The following PCBP3 variants were observed in gnomAD, a reference collection of about 807,000 sequenced individuals.
PCBP3 encodes the protein poly(rC)-binding protein 3.
PCBP3 carries 25 observed loss-of-function variants against 52.7 expected under a neutral mutation model. That is an observed-to-expected ratio of 0.47 (90% confidence interval 0.35 to 0.66). PCBP3 has a LOEUF of 0.66. PCBP3 is among the 30% of genes least tolerant of loss of function. The probability of loss-of-function intolerance (pLI) is 0.01; values close to 1 mark genes in which losing one functional copy is unlikely to be tolerated. For synonymous variants in PCBP3, 162 were observed against 183.0 expected (o/e 0.89, Z 0.93); for missense variants, 391 against 490.3 (o/e 0.80, Z 1.91).
At position 45,802,054 on chromosome 21, in the gene PCBP3, G is replaced by A. The variant is rs543425027; in HGVS notation, c.-126+46602G>A. 2.9e-4 allele frequency among the ~76,000 whole-genome samples: 44 copies of A among 152,308 alleles called. No individual in the cohort carries two copies. Among genetic ancestry groups the A allele is most frequent in the African/African-American group, 1.0e-3 (43 of 41,568 alleles). ...TCCCCTCCTCTTCCTTGAGGGCATC[G>A]TCATGATTCAGCAGTGACTTCTGGG... is the stretch of plus-strand genomic sequence containing the variant. On this transcript the variant is annotated intron_variant, in intron 4 of 17. Coordinates refer to ENST00000681687, the MANE Select transcript of PCBP3 (RefSeq NM_001384156.1). This position sits in a 1 kb window ranked among gnomAD's most constrained non-coding sequence, Gnocchi z 5.1.
At chr21:45,795,453 A>G (rs1411859757) in intron 4 of PCBP3, among the ~76,000 whole-genome samples, 10 of 152,182 alleles carry the variant, frequency 6.6e-5, no homozygotes, top group Non-Finnish European at 1.5e-4. Flanking sequence ...AAGTGCAGTA[A>G]AAGTGGAAAA....
chr21:45,765,991 A>T (rs573970351), intron 4 of PCBP3, among the ~76,000 whole-genome samples: 2 of 152,304 alleles, frequency 1.3e-5, no homozygotes, highest in South Asian at 4.2e-4. Flanking sequence ...GTGATGTTGG[A>T]TGTGGGCTAC....
At chr21:45,723,990 T>G (rs183258302) in intron 2 of PCBP3, among the ~76,000 whole-genome samples, 337 of 152,304 alleles carry the variant, frequency 2.2e-3, no homozygotes, top group South Asian at 9.1e-3. Context: ...ATAAGCTGTT[T>G]TAAATTCTAG....
chr21:45,712,845 C>T (rs555035708), intron 2 of PCBP3, among the ~76,000 whole-genome samples: 3 of 152,112 alleles, frequency 2.0e-5, no homozygotes, highest in Non-Finnish European at 4.4e-5. Context: ...TTGGGACCAC[C>T]TGTACACACC....
At chr21:45,712,295 A>G (rs919626423) in intron 2 of PCBP3, among the ~76,000 whole-genome samples, 3 of 152,318 alleles carry the variant, frequency 2.0e-5, no homozygotes, top group Middle Eastern at 3.4e-3. Flanking sequence ...CATATTGTAA[A>G]AGTATGTGTA....
chr21:45,859,603 C>T (rs1242083490), intron 5 of PCBP3: 1 of 152,280 alleles, frequency 6.6e-6, no homozygotes, highest in Non-Finnish European at 1.5e-5. Flanking sequence ...CGCGACATCT[C>T]CCCTCTTGGA....
intron 4 of PCBP3, among the ~76,000 whole-genome samples, chr21:45,807,132 C>T (rs1419578488): frequency 6.6e-6 from 1 of 152,176 alleles, no homozygotes; most frequent in Non-Finnish European, 1.5e-5. Flanking sequence ...TGGCACAAGA[C>T]AAGGATGCCC....
At chr21:45,815,800 T>G (rs1479004114) in intron 4 of PCBP3, among the ~76,000 whole-genome samples, 23 of 32,924 alleles carry the variant, frequency 7.0e-4, no homozygotes, top group South Asian at 1.6e-3. Flanking sequence ...TGGTGAGTGA[T>G]GAGTGAGTGG....
intron 5 of PCBP3, among the ~76,000 whole-genome samples, chr21:45,884,829 A>C (rs2095481742): frequency 6.6e-6 from 1 of 152,234 alleles, no homozygotes; most frequent in African/African-American, 2.4e-5. Flanking sequence ...TGGAGGGAAG[A>C]AACTGTAACT....
chr21:45,867,222 C>G (rs953691536), intron 5 of PCBP3, among the ~76,000 whole-genome samples: 1 of 152,242 alleles, frequency 6.6e-6, no homozygotes, highest in Non-Finnish European at 1.5e-5. Flanking sequence ...AACGCGGGCA[C>G]GCAACGGCTG....
At chr21:45,863,620 T>C (rs1193743146) in intron 5 of PCBP3, among the ~76,000 whole-genome samples, 1 of 152,182 alleles carries the variant, frequency 6.6e-6, no homozygotes, top group African/African-American at 2.4e-5. Flanking sequence ...GTGGGCAGCC[T>C]CCCTCGGTGG....
chr21:45,697,660 G>C (rs1256580102), intron 2 of PCBP3, among the ~76,000 whole-genome samples: 3 of 151,566 alleles, frequency 2.0e-5, no homozygotes, highest in African/African-American at 7.3e-5. Context: ...TGGGAGGATT[G>C]CTCGAGCCTG....
At chr21:45,718,129 T>C (rs1045095343) in intron 2 of PCBP3, among the ~76,000 whole-genome samples, 2 of 152,040 alleles carry the variant, frequency 1.3e-5, no homozygotes, top group Non-Finnish European at 2.9e-5. Flanking sequence ...TATTTTCTTA[T>C]AATCCTTTTT....
In PCBP3 at chr21:45,941,909, C is replaced by T. The variant is rs1385544222; in HGVS notation, c.*203C>T. 4.6e-6 allele frequency: 2 copies of T among 433,676 alleles called. No homozygotes were observed. Among genetic ancestry groups the T allele is most frequent in the Non-Finnish European group, 8.1e-6 (2 of 246,348 alleles). The allele number at this position is 433,676 out of a possible 1,614,324, so 26.9% of individuals were successfully genotyped here. On this transcript the variant is annotated 3_prime_UTR_variant, in exon 18 of 18. Coordinates refer to ENST00000681687, the MANE Select transcript of PCBP3 (RefSeq NM_001384156.1). Reference sequence around the variant, plus strand: ...GAGGCTGCAGGCTCCGCCGAGTCCCCCCTCAGTGTTATTTTATTTATGACT... The same window carrying T: ...GAGGCTGCAGGCTCCGCCGAGTCCCTCCTCAGTGTTATTTTATTTATGACT...
At chr21:45,871,981 T>C (rs1360152213) in intron 5 of PCBP3, 1 of 152,236 alleles carries the variant, frequency 6.6e-6, no homozygotes, top group African/African-American at 2.4e-5. Context: ...TGGGCTCCGA[T>C]TTGGGGGCCC....
At chr21:45,776,242 T>C (rs1240141868) in intron 4 of PCBP3, among the ~76,000 whole-genome samples, 1 of 152,188 alleles carries the variant, frequency 6.6e-6, no homozygotes, top group East Asian at 1.9e-4. Context: ...CTGGAGAATG[T>C]TCCTTTCATG....
chr21:45,929,946 G>A lies in PCBP3; in HGVS notation c.747G>A (p.Met249Ile). The A allele has an allele frequency of 6.2e-7, 1 of 1,613,918 alleles. No individual in the cohort carries two copies. Among genetic ancestry groups the A allele is most frequent in the East Asian group, 2.2e-5 (1 of 44,878 alleles). Residue 249 changes from methionine (M) to isoleucine (I), a missense_variant, in exon 14 of 18, where the codon ATG becomes ATA. By Grantham distance (10) the Met-to-Ile change is conservative (BLOSUM62 1). Transcript: ENST00000681687. ...DQLTKLHQLA[M>I]QQTPFPPLGQ... ...TGACCAAGCTCCACCAGTTGGCCAT[G>A]CAGCAAACCCCCTTTCCTCCCCTCG...
At chr21:45,842,862 G>A (rs948308524) in intron 4 of PCBP3, among the ~76,000 whole-genome samples, 6 of 152,184 alleles carry the variant, frequency 3.9e-5, no homozygotes, top group African/African-American at 9.7e-5. Context: ...TGCTGTGTGC[G>A]TCCTGTCCTG....
chr21:45,738,094 C>G (rs1603354181), intron 3 of PCBP3, among the ~76,000 whole-genome samples: 3 of 152,282 alleles, frequency 2.0e-5, no homozygotes, highest in Middle Eastern at 6.8e-3. Context: ...TCTCCCATAG[C>G]TGGTTAGTGC....
Sources: allele counts gnomAD v4.1 joint callset (sites outside exome capture counted in the v4.1 genomes callset), GRCh38; gene constraint gnomAD v4.1.1; non-coding constraint Gnocchi (gnomAD v3.1); transcripts MANE v1.5; gene names NCBI Gene and HGNC (gene_info 2026-07-23, HGNC 2026-07-21).